The following SPAG17 variants were observed in gnomAD, a reference collection of about 807,000 sequenced individuals.
SPAG17 encodes the protein sperm associated antigen 17, also known as sperm-associated antigen 17.
In SPAG17, 169 loss-of-function variants were observed where a neutral mutation model predicts 273.6. The ratio of observed to expected loss-of-function variants is 0.62; its 90% confidence interval spans 0.55 to 0.70. The LOEUF (loss-of-function observed/expected upper bound fraction) is 0.70, where lower values mean the gene tolerates loss of function less well. Among genes scored for constraint, SPAG17 ranks in the 30% least tolerant of loss-of-function variants. The pLI, the probability that SPAG17 is intolerant of heterozygous loss-of-function variation, is 0.00. For missense variants in SPAG17, 2,557 were observed against 2,627.8 expected (o/e 0.97, Z 0.59); for synonymous variants, 825 against 873.2 (o/e 0.94, Z 0.97).
Position 118,007,335 on chromosome 1 carries a change from C to CT in SPAG17, c.4587+708dup, listed in dbSNP as rs146287699. On this transcript the variant is annotated intron_variant, in intron 31 of 48. Transcript: ENST00000336338. ...AGTAACAAATGTTTGCCAGTGAGAT[C>CT]TTTGTCTATCATCTTCTAGCTTTTA... 3.8e-3 allele frequency among the ~76,000 whole-genome samples: 574 copies of CT among 152,242 alleles called. 3 individuals are homozygous for CT. Among genetic ancestry groups the CT allele is most frequent in the African/African-American group, 0.013 (542 of 41,554 alleles).
intron 10 of SPAG17, among the ~76,000 whole-genome samples, chr1:118,090,686 C>A (rs1413971363): frequency 6.6e-6 from 1 of 152,026 alleles, no homozygotes; most frequent in African/African-American, 2.4e-5. Flanking sequence ...GAGTTAAAGA[C>A]CATACTGGGC....
At chr1:118,109,199 T>C (rs564056221) in intron 4 of SPAG17, among the ~76,000 whole-genome samples, 31 of 150,670 alleles carry the variant, frequency 2.1e-4, no homozygotes, top group Non-Finnish European at 4.6e-4. Context: ...TGGAGTGCAG[T>C]GGCGCGATGT....
chr1:118,135,641 G>T (rs1042919166), intron 3 of SPAG17, among the ~76,000 whole-genome samples: 1 of 152,112 alleles, frequency 6.6e-6, no homozygotes, highest in Admixed American at 6.6e-5. Context: ...TTTGTGAAAA[G>T]TGGTCAGTAT....
chr1:118,114,997 G>A (rs932084647), intron 4 of SPAG17, among the ~76,000 whole-genome samples: 3 of 152,002 alleles, frequency 2.0e-5, no homozygotes, highest in Non-Finnish European at 2.9e-5. Context: ...TAGTTTTCCC[G>A]ACTCCCTGTC....
intron 1 of SPAG17, among the ~76,000 whole-genome samples, chr1:118,184,580 T>C (rs1327694229): frequency 6.6e-6 from 1 of 152,194 alleles, no homozygotes; most frequent in Non-Finnish European, 1.5e-5. Flanking sequence ...AAAAATCATC[T>C]TTTCCTATCT....
At chr1:118,057,309 G>A (rs1651808131) in intron 18 of SPAG17, among the ~76,000 whole-genome samples, 1 of 151,996 alleles carries the variant, frequency 6.6e-6, no homozygotes, top group Admixed American at 6.6e-5. Context: ...CTCTTGCTAG[G>A]ATTTCTGCAA....
chr1:118,062,677 GT>G (rs1652465147), intron 18 of SPAG17, among the ~76,000 whole-genome samples: 1 of 151,914 alleles, frequency 6.6e-6, no homozygotes, highest in Admixed American at 6.6e-5. Context: ...TAATATTGTG[GT>G]TTTTTTAAAA....
At chr1:118,183,757 C>A (rs1661054008) in intron 1 of SPAG17, among the ~76,000 whole-genome samples, 2 of 152,120 alleles carry the variant, frequency 1.3e-5, no homozygotes, top group Non-Finnish European at 2.9e-5. Context: ...CGTTGTTCAG[C>A]AGTTTATAAT....
chr1:118,047,916 G>C (rs1650550243), intron 20 of SPAG17, among the ~76,000 whole-genome samples: 1 of 152,140 alleles, frequency 6.6e-6, no homozygotes, highest in Admixed American at 6.5e-5. Flanking sequence ...GCAGACAAAA[G>C]GTCCAGGCCT....
chr1:118,137,643 AAT>A (rs1160965422), intron 3 of SPAG17, among the ~76,000 whole-genome samples: 3 of 152,254 alleles, frequency 2.0e-5, no homozygotes, highest in African/African-American at 7.2e-5. Context: ...TTATTGAAGC[AAT>A]ATAGAAATCA....
intron 17 of SPAG17, among the ~76,000 whole-genome samples, chr1:118,071,195 T>C (rs1348105293): frequency 6.6e-6 from 1 of 151,942 alleles, no homozygotes; most frequent in African/African-American, 2.4e-5. Context: ...TGTTTCATTA[T>C]TAATATGAGC....
intron 3 of SPAG17, among the ~76,000 whole-genome samples, chr1:118,139,295 A>G (rs536464848): frequency 6.6e-6 from 1 of 152,262 alleles, no homozygotes; most frequent in Admixed American, 6.5e-5. Flanking sequence ...AATTTTTTTC[A>G]AAAAGATGAA....
intron 42 of SPAG17, among the ~76,000 whole-genome samples, chr1:117,982,117 G>A (rs1424741362): frequency 1.3e-5 from 2 of 152,034 alleles, no homozygotes; most frequent in African/African-American, 4.8e-5. Context: ...ATAAGTCATT[G>A]TTCCAGCCTT....
chr1:118,026,946 T>C (rs1257811475), intron 26 of SPAG17, among the ~76,000 whole-genome samples: 1 of 152,178 alleles, frequency 6.6e-6, no homozygotes, highest in Non-Finnish European at 1.5e-5. Context: ...ATATGGAAGA[T>C]TTTAAACAGA....
chr1:118,029,326 G>A (rs1252239493), intron 25 of SPAG17, among the ~76,000 whole-genome samples: 1 of 152,130 alleles, frequency 6.6e-6, no homozygotes, highest in Non-Finnish European at 1.5e-5. Flanking sequence ...ACAGCCTCTT[G>A]AACTGTGAGC....
intron 1 of SPAG17, among the ~76,000 whole-genome samples, chr1:118,161,990 T>C (rs968553222): frequency 6.6e-6 from 1 of 152,170 alleles, no homozygotes; most frequent in African/African-American, 2.4e-5. Context: ...TGAGTGAAAC[T>C]GCTTCCCACT....
chr1:118,014,188 T>C (rs1659744792), intron 29 of SPAG17, among the ~76,000 whole-genome samples: 1 of 152,152 alleles, frequency 6.6e-6, no homozygotes, highest in South Asian at 2.1e-4. Flanking sequence ...TAGTAGTTTG[T>C]TGTGAGAATT....
At chr1:118,012,156 C>T (rs574524720) in intron 30 of SPAG17, 72 bp downstream of exon 30, 1 of 1,455,186 alleles carries the variant, frequency 6.9e-7, no homozygotes, top group African/African-American at 1.4e-5. Context: ...GTTCAGCAGT[C>T]AGTGAGGATT....
intron 25 of SPAG17, among the ~76,000 whole-genome samples, chr1:118,029,574 G>T (rs1648185292): frequency 6.6e-6 from 1 of 152,128 alleles, no homozygotes; most frequent in Non-Finnish European, 1.5e-5. Context: ...CAATTATAAA[G>T]TTATTTATAA....
Sources: allele counts gnomAD v4.1 joint callset (sites outside exome capture counted in the v4.1 genomes callset), GRCh38; gene constraint gnomAD v4.1.1; transcripts MANE v1.5; gene names NCBI Gene and HGNC (gene_info 2026-07-23, HGNC 2026-07-21).